Variants in CDC42EP3 observed in about 807,000 individuals in gnomAD.
CDC42EP3 encodes the protein CDC42 effector protein (Rho GTPase binding) 3.
A neutral mutation model predicts 15.5 loss-of-function variants in CDC42EP3; 4 were observed. The ratio of observed to expected loss-of-function variants is 0.26; its 90% CI spans 0.13 to 0.59. CDC42EP3 has a LOEUF of 0.59. Ranked by LOEUF, CDC42EP3 falls within the 20% of genes least tolerant of loss-of-function variation. CDC42EP3 has a pLI of 0.89. For missense variants in CDC42EP3, 309 were observed against 311.2 expected, an observed-to-expected ratio of 0.99 and a Z score of 0.05; for synonymous variants, 145 against 130.3, an observed-to-expected ratio of 1.11 and a Z score of -0.77.
chr2:37,671,153 G>T lies in CDC42EP3; in HGVS notation c.-236+273C>A, dbSNP rs116949487. On this transcript the variant is annotated intron_variant, in intron 1 of 1. Coordinates refer to ENST00000295324, the MANE Select transcript of CDC42EP3 (RefSeq NM_006449.5). The stretch of plus-strand genomic sequence containing the variant: ...GAATGGCTCTGCCAATAGCTCGGAG[G>T]GTGCAATGTGGCCGCGCAGCCCCAC... Among the ~76,000 whole-genome samples the T allele has an allele frequency of 3.6e-3, 541 of 152,364 alleles. 18 individuals are homozygous for T. In the East Asian group the frequency reaches 0.081, roughly 23 times the overall value.
At chr2:37,649,882 G>A (rs576553217) in intron 1 of CDC42EP3, among the ~76,000 whole-genome samples, 1 of 152,190 alleles carries the variant, frequency 6.6e-6, no homozygotes, top group Non-Finnish European at 1.5e-5. Flanking sequence ...TGAGATTCTG[G>A]TGAGTAGGAG....
chr2:37,660,053 A>C (rs1287102509), intron 1 of CDC42EP3, among the ~76,000 whole-genome samples: 1 of 152,226 alleles, frequency 6.6e-6, no homozygotes, highest in Non-Finnish European at 1.5e-5. Flanking sequence ...CCCAAACTTT[A>C]TAATAACCAC....
intron 1 of CDC42EP3, among the ~76,000 whole-genome samples, chr2:37,657,309 C>T (rs1308291013): frequency 6.6e-6 from 1 of 152,164 alleles, no homozygotes; most frequent in Non-Finnish European, 1.5e-5. Flanking sequence ...ATGCACCTCA[C>T]GTAATCCAAC....
chr2:37,663,232 C>A (rs1266577047), intron 1 of CDC42EP3, among the ~76,000 whole-genome samples: 2 of 152,208 alleles, frequency 1.3e-5, no homozygotes, highest in African/African-American at 4.8e-5. Flanking sequence ...CCTCCCCAGC[C>A]CCTGGCTGGT....
chr2:37,647,902 G>T (rs187266662), intron 1 of CDC42EP3, among the ~76,000 whole-genome samples: 21 of 152,296 alleles, frequency 1.4e-4, no homozygotes, highest in African/African-American at 4.8e-4. Flanking sequence ...CTTTTCCCCA[G>T]TTGAGCCTCT....
chr2:37,663,076 A>C (rs1283979857), intron 1 of CDC42EP3, among the ~76,000 whole-genome samples: 1 of 152,198 alleles, frequency 6.6e-6, no homozygotes. Context: ...GAGGCAGGAG[A>C]ATCTCTTGAA....
intron 1 of CDC42EP3, among the ~76,000 whole-genome samples, chr2:37,661,122 TGTGTGTGC>T (rs1474361959): frequency 7.1e-6 from 1 of 141,180 alleles, no homozygotes; most frequent in Non-Finnish European, 1.6e-5. Context: ...TGTGTGTGTG[TGTGTGTGC>T]GTGTGTGTAT....
Position 37,643,282 on chromosome 2 carries a change from AGCAGTCCACCT to A in CDC42EP3, c.*2530_*2540del, listed in dbSNP as rs1238841405. The stretch of plus-strand genomic sequence containing the variant: ...CTCTGCAGGAAAGAAAGCCACCACC[AGCAGTCCACCT>A]GCTCTCAGGGGAAGGGACCAGGCAT... On this transcript the variant is annotated 3_prime_UTR_variant, in exon 2 of 2. Transcript: ENST00000295324. 1 of 152,248 alleles carries A rather than the reference AGCAGTCCACCT, an allele frequency of 6.6e-6. No individual in the cohort carries two copies. The allele number at this position is 152,248 out of a possible 1,614,324, so 9.4% of individuals were successfully genotyped here.
At chr2:37,649,975 G>C (rs1266424331) in intron 1 of CDC42EP3, among the ~76,000 whole-genome samples, 1 of 152,116 alleles carries the variant, frequency 6.6e-6, no homozygotes, top group African/African-American at 2.4e-5. Context: ...TGGGGCATAG[G>C]CTTCTAGGAC....
At chr2:37,661,634 G>A (rs1666060850) in intron 1 of CDC42EP3, among the ~76,000 whole-genome samples, 1 of 152,168 alleles carries the variant, frequency 6.6e-6, no homozygotes, top group Non-Finnish European at 1.5e-5. Flanking sequence ...GGCTCTGGCT[G>A]CTGGCGTTAT....
intron 1 of CDC42EP3, among the ~76,000 whole-genome samples, chr2:37,657,435 G>A (rs978101903): frequency 6.6e-6 from 1 of 152,186 alleles, no homozygotes; most frequent in African/African-American, 2.4e-5. Flanking sequence ...TGGCTGGTGA[G>A]CTCAAAAAGA....
chr2:37,645,954 C>T lies in CDC42EP3; in HGVS notation c.634G>A (p.Glu212Lys), dbSNP rs771605083. 9.9e-6 allele frequency: 16 copies of T among 1,613,932 alleles called. No homozygotes were observed. The highest frequency in any genetic ancestry group is 6.7e-5 in the East Asian group (3 of 44,864). ...GACTTAGTCTTTCCCTTGATGAGCTCGCATGGGGTGGGATGGTCAAACATG... is the reference window on the plus strand; with the variant it reads ...GACTTAGTCTTTCCCTTGATGAGCTTGCATGGGGTGGGATGGTCAAACATG... Reference protein sequence around the residue: ...EDMFDHPTPCELIKGKTKSEE... With the variant: ...EDMFDHPTPCKLIKGKTKSEE... Residue 212 changes from glutamate (E) to lysine (K), a missense_variant, in exon 2 of 2, where the codon GAG becomes AAG. By Grantham distance (56) the Glu-to-Lys change is moderately conservative. Transcript: ENST00000295324.
At chr2:37,658,100 T>C (rs1004575703) in intron 1 of CDC42EP3, among the ~76,000 whole-genome samples, 5 of 152,018 alleles carry the variant, frequency 3.3e-5, no homozygotes, top group African/African-American at 1.2e-4. Context: ...CTGCTGCCCA[T>C]CCCCCACTCC....
In CDC42EP3 at chr2:37,646,441, C is replaced by T; in HGVS notation, c.147G>A (p.Gln49=). Residue 49 remains glutamine (Q), a synonymous_variant, in exon 2 of 2, where the codon CAG becomes CAA. Coordinates refer to ENST00000295324, the MANE Select transcript of CDC42EP3 (RefSeq NM_006449.5). ...RHTIHIGKEG[Q]HDVFGDISFL... is the part of the protein sequence containing the mutation. The stretch of plus-strand genomic sequence containing the variant: ...AGGAAATATCTCCAAAGACATCGTG[C>T]TGGCCCTCTTTGCCAATGTGGATGG... 2 of 1,614,208 alleles carry T rather than the reference C, an allele frequency of 1.2e-6. No individual in the cohort carries two copies. Among genetic ancestry groups the T allele is most frequent in the Non-Finnish European group, 1.7e-6 (2 of 1,180,044 alleles).
intron 1 of CDC42EP3, among the ~76,000 whole-genome samples, chr2:37,656,132 G>A (rs1018876321): frequency 1.3e-5 from 2 of 152,162 alleles, no homozygotes; most frequent in South Asian, 2.1e-4. Flanking sequence ...AATAATCCAC[G>A]TTCCTTGGAT....
In CDC42EP3 at chr2:37,646,675, G is replaced by C. The variant is rs1665494082; in HGVS notation, c.-88C>G. ...ATATGTTTCTGAATCCTTTTTGATAGGAACTGTCACATCATTTTTCTCAAG... is the reference window on the plus strand; with the variant it reads ...ATATGTTTCTGAATCCTTTTTGATACGAACTGTCACATCATTTTTCTCAAG... On this transcript the variant is annotated 5_prime_UTR_variant, in exon 2 of 2. Transcript: ENST00000295324. 1.6e-6 allele frequency: 2 copies of C among 1,259,044 alleles called. No homozygotes were observed. The highest frequency in any genetic ancestry group is 3.0e-5 in the South Asian group (2 of 65,574). The allele number at this position is 1,259,044 out of a possible 1,614,324, so 78.0% of individuals were successfully genotyped here. A position where few individuals can be genotyped will look rare whatever the true frequency, so the allele number is the denominator to read the frequency against.
chr2:37,672,785 G>T (rs760731489), upstream of CDC42EP3, among the ~76,000 whole-genome samples: 46 of 152,298 alleles, frequency 3.0e-4, no homozygotes, highest in Non-Finnish European at 5.4e-4. Flanking sequence ...AGACTCTCGG[G>T]TTGGATGGAA....
intron 1 of CDC42EP3, among the ~76,000 whole-genome samples, chr2:37,651,006 T>C (rs899372283): frequency 3.3e-5 from 5 of 152,222 alleles, no homozygotes; most frequent in Non-Finnish European, 7.3e-5. Flanking sequence ...AACCTAATTG[T>C]CCACCTATGG....
At chr2:37,652,989 C>T (rs141171031) in intron 1 of CDC42EP3, among the ~76,000 whole-genome samples, 2 of 152,284 alleles carry the variant, frequency 1.3e-5, no homozygotes, top group African/African-American at 4.8e-5. Flanking sequence ...TTTGAACTTC[C>T]CACAATTATT....
Sources: gnomAD v4.1 joint callset for allele counts (sites outside exome capture counted in the v4.1 genomes callset) on GRCh38, gnomAD v4.1.1 for gene constraint, MANE v1.5 for transcripts, NCBI Gene and HGNC (gene_info 2026-07-23, HGNC 2026-07-21) for gene names.